The following NUBPL variants were observed in gnomAD, a reference collection of about 807,000 sequenced individuals.
NUBPL encodes the protein NUBP iron-sulfur cluster assembly factor, mitochondrial.
A neutral mutation model predicts 45.7 loss-of-function variants in NUBPL; 31 were observed. That is an observed-to-expected ratio of 0.68 (90% CI 0.51 to 0.92). NUBPL has a LOEUF of 0.92. NUBPL is among the 40% of genes least tolerant of loss of function. NUBPL has a pLI of 0.00. For synonymous variants in NUBPL, 144 were observed against 140.9 expected (o/e 1.02, Z -0.15); for missense variants, 401 against 398.7 (o/e 1.01, Z -0.05).
At chr14:31,764,708 T>C (rs10134196) in intron 6 of NUBPL, among the ~76,000 whole-genome samples, 1 of 152,136 alleles carries the variant, frequency 6.6e-6, no homozygotes, top group Admixed American at 6.5e-5. Flanking sequence ...AGCTGCTCAC[T>C]TAATGGTCTT....
At chr14:31,657,386 G>A (rs1819192171) in intron 4 of NUBPL, among the ~76,000 whole-genome samples, 1 of 152,154 alleles carries the variant, frequency 6.6e-6, no homozygotes, top group Non-Finnish European at 1.5e-5. Flanking sequence ...TTATTGAAAA[G>A]AGTTTGCCTC....
intron 6 of NUBPL, among the ~76,000 whole-genome samples, chr14:31,767,232 G>A (rs1262854889): frequency 2.0e-5 from 3 of 152,012 alleles, no homozygotes; most frequent in Admixed American, 2.0e-4. Flanking sequence ...ACGGAGTTTC[G>A]CTCTTTCAGC....
intron 6 of NUBPL, among the ~76,000 whole-genome samples, chr14:31,717,502 G>A (rs139178259): frequency 1.3e-3 from 194 of 152,196 alleles, no homozygotes; most frequent in African/African-American, 4.4e-3. Flanking sequence ...GTGCTCTGTG[G>A]TAGACCCACA....
intron 6 of NUBPL, among the ~76,000 whole-genome samples, chr14:31,677,986 T>C (rs760089308): frequency 6.6e-6 from 1 of 152,234 alleles, no homozygotes; most frequent in Non-Finnish European, 1.5e-5. Flanking sequence ...TGTTCTGTTA[T>C]ACTGCTGCTG....
At chr14:31,658,491 T>C (rs2036193369) in intron 4 of NUBPL, among the ~76,000 whole-genome samples, 1 of 151,978 alleles carries the variant, frequency 6.6e-6, no homozygotes, top group African/African-American at 2.4e-5. Flanking sequence ...TGATCAAATA[T>C]AGGTTATGGA....
At chr14:31,852,467 T>C (rs757261259) in intron 10 of NUBPL, among the ~76,000 whole-genome samples, 29 of 152,194 alleles carry the variant, frequency 1.9e-4, no homozygotes, top group Non-Finnish European at 3.4e-4. Flanking sequence ...GGTCAGGAGT[T>C]TGAGATCAAC....
intron 6 of NUBPL, among the ~76,000 whole-genome samples, chr14:31,726,092 T>C (rs2378939): frequency 1 from 151,680 of 152,324 alleles, 75,524 homozygotes; most frequent in Middle Eastern, 1. Flanking sequence ...GTAAATGTTA[T>C]GGCCTTTCTC....
intron 6 of NUBPL, among the ~76,000 whole-genome samples, chr14:31,758,736 A>T (rs1290754955): frequency 6.6e-6 from 1 of 152,212 alleles, no homozygotes; most frequent in East Asian, 1.9e-4. Context: ...TCTTTTTTAA[A>T]AAAATACATG....
At chr14:31,601,571 G>C (rs2034434956) in intron 4 of NUBPL, among the ~76,000 whole-genome samples, 2 of 152,044 alleles carry the variant, frequency 1.3e-5, no homozygotes, top group South Asian at 4.1e-4. Flanking sequence ...ATCAAAAAGT[G>C]GGCGAAGGAC....
At chr14:31,625,481 T>C (rs8012758) in intron 4 of NUBPL, among the ~76,000 whole-genome samples, 5,239 of 150,666 alleles carry the variant, frequency 0.035, 288 homozygotes, top group African/African-American at 0.12. Flanking sequence ...TTCTTTCTTT[T>C]TTTTTTTTTT....
At chr14:31,595,893 T>C (rs2034268740) in intron 3 of NUBPL, among the ~76,000 whole-genome samples, 1 of 149,884 alleles carries the variant, frequency 6.7e-6, no homozygotes, top group Non-Finnish European at 1.5e-5. Flanking sequence ...GTGTTTCTGT[T>C]AATGGACACT....
chr14:31,721,860 A>G (rs557053016), intron 6 of NUBPL, among the ~76,000 whole-genome samples: 1 of 152,132 alleles, frequency 6.6e-6, no homozygotes, highest in Admixed American at 6.5e-5. Context: ...TAAGTGAGAA[A>G]ATGTGGTATT....
At chr14:31,854,567 C>T (rs773493106) in intron 10 of NUBPL, among the ~76,000 whole-genome samples, 7 of 152,098 alleles carry the variant, frequency 4.6e-5, no homozygotes, top group Non-Finnish European at 7.4e-5. Context: ...TTCCTCTGTA[C>T]CAACAATTCA....
intron 8 of NUBPL, among the ~76,000 whole-genome samples, chr14:31,839,508 G>C: frequency 6.6e-6 from 1 of 152,124 alleles, no homozygotes; most frequent in East Asian, 1.9e-4. Context: ...AACTATGAAA[G>C]TATTAGAAGA....
intron 6 of NUBPL, among the ~76,000 whole-genome samples, chr14:31,763,549 A>G (rs1332529211): frequency 6.6e-6 from 1 of 152,124 alleles, no homozygotes; most frequent in African/African-American, 2.4e-5. Flanking sequence ...GATTGAGGTG[A>G]TTGATTTATT....
At chr14:31,752,829 T>C (rs1566542177) in intron 6 of NUBPL, among the ~76,000 whole-genome samples, 1 of 152,246 alleles carries the variant, frequency 6.6e-6, no homozygotes, top group Non-Finnish European at 1.5e-5. Context: ...AAAGGTTTAA[T>C]GAACTCACAT....
Position 31,850,134 on chromosome 14 carries a change from A to C in NUBPL, c.830A>C (p.His277Pro). The change falls in exon 10 of 11, where the codon CAC becomes CCC. Residue 277 changes from histidine to proline, a missense_variant. His to Pro is a moderately conservative substitution (Grantham distance 77). Coordinates refer to ENST00000281081, the MANE Select transcript of NUBPL (RefSeq NM_025152.3). ...GCTCTTTTAGGAGACATTCCCTTAC[A>C]CCTTAATATAAGGGAAGCTTCAGAT... ...GLEVLGDIPL[H>P]LNIREASDTG... 6.2e-7 allele frequency: 1 copy of C among 1,613,674 alleles called. No homozygotes were observed. Among genetic ancestry groups the C allele is most frequent in the South Asian group, 1.1e-5 (1 of 91,066 alleles).
intron 7 of NUBPL, among the ~76,000 whole-genome samples, chr14:31,811,119 T>G (rs190955366): frequency 6.6e-6 from 1 of 152,152 alleles, no homozygotes; most frequent in Non-Finnish European, 1.5e-5. Flanking sequence ...TTTCAAGGAG[T>G]ATATTTGTGG....
intron 6 of NUBPL, among the ~76,000 whole-genome samples, chr14:31,681,996 G>A (rs2036845368): frequency 6.6e-6 from 1 of 152,096 alleles, no homozygotes; most frequent in Non-Finnish European, 1.5e-5. Flanking sequence ...TGGAACGACT[G>A]CATTTTTAAA....
Sources: allele counts gnomAD v4.1 joint callset (sites outside exome capture counted in the v4.1 genomes callset), GRCh38; gene constraint gnomAD v4.1.1; transcripts MANE v1.5; gene names NCBI Gene and HGNC (gene_info 2026-07-23, HGNC 2026-07-21).